Variants in LPAR1 observed in about 807,000 individuals in gnomAD.
LPAR1 encodes the protein lysophosphatidic acid receptor 1, also known as LPA receptor 1.
Under a neutral mutation model 23.8 loss-of-function variants are expected in LPAR1, and 5 were observed. The ratio of observed to expected loss-of-function variants is 0.21; its 90% confidence interval spans 0.11 to 0.44. LPAR1 has a LOEUF of 0.44. Ranked by LOEUF, LPAR1 falls within the 20% of genes least tolerant of loss-of-function variation. LPAR1 has a pLI of 0.99. For missense variants in LPAR1, 311 were observed against 482.8 expected (o/e 0.64, Z 3.33); for synonymous variants, 160 against 164.7 (o/e 0.97, Z 0.22).
At chr9:110,947,014 T>C (rs1455205508) in intron 4 of LPAR1, among the ~76,000 whole-genome samples, 3 of 114,930 alleles carry the variant, frequency 2.6e-5, no homozygotes, top group Non-Finnish European at 2.0e-5. Flanking sequence ...CTGAACTGAA[T>C]AATACACTAA....
intron 4 of LPAR1, among the ~76,000 whole-genome samples, chr9:110,948,663 A>G (rs2095469202): frequency 6.6e-6 from 1 of 152,190 alleles, no homozygotes; most frequent in Non-Finnish European, 1.5e-5. Flanking sequence ...TTCACTAAAA[A>G]CACTAAGATG....
chr9:111,001,330 CA>C (rs1181778181), intron 2 of LPAR1, among the ~76,000 whole-genome samples: 2 of 152,090 alleles, frequency 1.3e-5, no homozygotes, highest in Non-Finnish European at 2.9e-5. Flanking sequence ...ATAGCCAAGA[CA>C]AATTAAGAGA....
intron 5 of LPAR1, among the ~76,000 whole-genome samples, chr9:110,880,986 C>T (rs1334831445): frequency 6.6e-6 from 1 of 152,168 alleles, no homozygotes; most frequent in Non-Finnish European, 1.5e-5. Context: ...AAAGCTTATT[C>T]TTCCCCAGTC....
intron 2 of LPAR1, among the ~76,000 whole-genome samples, chr9:110,983,525 G>C (rs1254817209): frequency 6.6e-6 from 1 of 151,996 alleles, no homozygotes; most frequent in Non-Finnish European, 1.5e-5. Context: ...GCTGTGTAAT[G>C]GGTACGGGGT....
intron 5 of LPAR1, among the ~76,000 whole-genome samples, chr9:110,886,915 C>T (rs956956730): frequency 1.3e-5 from 2 of 152,164 alleles, no homozygotes; most frequent in Non-Finnish European, 2.9e-5. Flanking sequence ...TGTGGTCCAA[C>T]TGTTACTAAG....
intron 4 of LPAR1, among the ~76,000 whole-genome samples, chr9:110,953,782 C>T (rs571512089): frequency 2.3e-4 from 35 of 152,082 alleles, no homozygotes; most frequent in Non-Finnish European, 4.6e-4. Flanking sequence ...ACAACCAACA[C>T]CATAGATACA....
intron 5 of LPAR1, among the ~76,000 whole-genome samples, chr9:110,925,348 G>GA (rs2093934637): frequency 6.6e-6 from 1 of 151,928 alleles, no homozygotes; most frequent in Admixed American, 6.6e-5. Flanking sequence ...AGCAGATGCT[G>GA]AAAAACCACT....
chr9:110,955,342 G>A (rs977961596), intron 4 of LPAR1, among the ~76,000 whole-genome samples: 2 of 152,074 alleles, frequency 1.3e-5, no homozygotes, highest in African/African-American at 4.8e-5. Flanking sequence ...GAGATAAAGA[G>A]GGTCATTACA....
chr9:110,978,729 C>T (rs2096609490), intron 2 of LPAR1, among the ~76,000 whole-genome samples: 1 of 152,066 alleles, frequency 6.6e-6, no homozygotes, highest in Non-Finnish European at 1.5e-5. Flanking sequence ...TCATCTAAGG[C>T]CTGAGACGGA....
chr9:110,935,899 G>T (rs763220717), intron 5 of LPAR1, among the ~76,000 whole-genome samples: 5 of 152,154 alleles, frequency 3.3e-5, no homozygotes, highest in African/African-American at 7.2e-5. Context: ...TAAAGGTTTT[G>T]ACCCTCTTGT....
intron 2 of LPAR1, among the ~76,000 whole-genome samples, chr9:111,011,013 G>C (rs939282752): frequency 6.6e-6 from 1 of 152,158 alleles, no homozygotes; most frequent in Non-Finnish European, 1.5e-5. Flanking sequence ...GACAGTTCAA[G>C]AGAATGCCTC....
chr9:111,006,480 A>T (rs535755464), intron 2 of LPAR1, among the ~76,000 whole-genome samples: 1 of 152,292 alleles, frequency 6.6e-6, no homozygotes, highest in South Asian at 2.1e-4. Flanking sequence ...TTCCATCATG[A>T]ATTTGGAGTT....
At chr9:110,947,758 A>C (rs2095432644) in intron 4 of LPAR1, among the ~76,000 whole-genome samples, 1 of 152,228 alleles carries the variant, frequency 6.6e-6, no homozygotes, top group East Asian at 1.9e-4. Context: ...AGACAATTAC[A>C]TACTCATTGG....
intron 5 of LPAR1, among the ~76,000 whole-genome samples, chr9:110,909,617 G>A (rs2092067318): frequency 6.6e-6 from 1 of 152,104 alleles, no homozygotes; most frequent in Non-Finnish European, 1.5e-5. Flanking sequence ...CTCACTTGGT[G>A]TCTGTGTCAC....
intron 2 of LPAR1, among the ~76,000 whole-genome samples, chr9:111,001,502 G>A (rs1033258776): frequency 2.0e-5 from 3 of 152,004 alleles, no homozygotes; most frequent in African/African-American, 7.2e-5. Flanking sequence ...GGGACATAAA[G>A]GGACTGGAAA....
Position 110,940,849 on chromosome 9 carries a change from C to T in LPAR1, c.793+572G>A, listed in dbSNP as rs74845899. ...ACCTTGAAATATGAATTAACCTCCA[C>T]TACTACAAATAGAAAATTAATAGAA... On this transcript the variant is annotated intron_variant, in intron 5 of 5. Coordinates refer to ENST00000683809, the MANE Select transcript of LPAR1 (RefSeq NM_001351411.2). Among the ~76,000 whole-genome samples the T allele has an allele frequency of 7.0e-3, 1,069 of 152,278 alleles. 15 individuals are homozygous for T. The highest frequency in any genetic ancestry group is 0.024 in the African/African-American group (1,016 of 41,554).
intron 2 of LPAR1, among the ~76,000 whole-genome samples, chr9:110,998,813 C>T (rs2097072313): frequency 6.6e-6 from 1 of 152,152 alleles, no homozygotes; most frequent in African/African-American, 2.4e-5. Flanking sequence ...TGTTCATGAG[C>T]ATAAGATCAC....
At chr9:111,009,117 A>AT (rs1358931714) in intron 2 of LPAR1, among the ~76,000 whole-genome samples, 2 of 152,250 alleles carry the variant, frequency 1.3e-5, no homozygotes, top group African/African-American at 4.8e-5. Flanking sequence ...AAGAGGACAT[A>AT]TTAAAGGATA....
chr9:110,982,088 C>G (rs1203667059), intron 2 of LPAR1, among the ~76,000 whole-genome samples: 1 of 152,080 alleles, frequency 6.6e-6, no homozygotes, highest in Admixed American at 6.6e-5. Context: ...GGATCTAGAA[C>G]TAGAAATACC....
Sources: allele counts gnomAD v4.1 joint callset (sites outside exome capture counted in the v4.1 genomes callset), GRCh38; gene constraint gnomAD v4.1.1; transcripts MANE v1.5; gene names NCBI Gene and HGNC (gene_info 2026-07-23, HGNC 2026-07-21).